The following HS3ST4 variants were observed in gnomAD, a reference collection of about 807,000 sequenced individuals.
The protein encoded by HS3ST4 is heparan sulfate-glucosamine 3-sulfotransferase 4, also known as heparan sulfate glucosamine 3-O-sulfotransferase 4.
Under a neutral mutation model 29.2 loss-of-function variants are expected in HS3ST4, and 17 were observed. That is an observed-to-expected ratio of 0.58 (90% CI 0.40 to 0.87). The LOEUF is 0.87. HS3ST4 is among the 40% of genes least tolerant of loss of function. The probability of loss-of-function intolerance (pLI) is 0.00; values close to 1 mark genes in which losing one functional copy is unlikely to be tolerated. For missense variants in HS3ST4, 627 were observed against 634.5 expected (o/e 0.99, Z 0.13); for synonymous variants, 314 against 285.7 (o/e 1.10, Z -1.00).
chr16:25,709,718 G>A (rs1168154539), intron 1 of HS3ST4, among the ~76,000 whole-genome samples: 2 of 151,886 alleles, frequency 1.3e-5, no homozygotes, highest in Admixed American at 6.6e-5. Flanking sequence ...AAGAGAGAGA[G>A]GGAGGCAATG....
intron 1 of HS3ST4, among the ~76,000 whole-genome samples, chr16:25,710,741 G>T (rs144069935): frequency 6.7e-6 from 1 of 149,276 alleles, no homozygotes; most frequent in African/African-American, 2.5e-5. Context: ...AAATTTAAAA[G>T]CAGATTGTAC....
At chr16:25,842,479 T>C (rs1392192629) in intron 1 of HS3ST4, among the ~76,000 whole-genome samples, 1 of 152,346 alleles carries the variant, frequency 6.6e-6, no homozygotes, top group Non-Finnish European at 1.5e-5. Flanking sequence ...GCCCACGGAC[T>C]GTGATGTTTT....
chr16:25,837,085 G>C (rs1165879775), intron 1 of HS3ST4, among the ~76,000 whole-genome samples: 1 of 152,238 alleles, frequency 6.6e-6, no homozygotes, highest in Admixed American at 6.5e-5. Context: ...GCAGTTCATG[G>C]ATGATTTCCA....
chr16:25,776,185 T>C (rs1431933346), intron 1 of HS3ST4, among the ~76,000 whole-genome samples: 4 of 152,122 alleles, frequency 2.6e-5, no homozygotes, highest in Non-Finnish European at 5.9e-5. Flanking sequence ...TGACACAATC[T>C]CAGTCCTCAA....
chr16:26,118,563 G>C (rs1899229670), intron 1 of HS3ST4, among the ~76,000 whole-genome samples: 2 of 152,142 alleles, frequency 1.3e-5, no homozygotes, highest in Non-Finnish European at 1.5e-5. Flanking sequence ...TAGTGTAACT[G>C]ATACATTGAA....
At chr16:25,914,840 G>A (rs957744686) in intron 1 of HS3ST4, among the ~76,000 whole-genome samples, 5 of 151,918 alleles carry the variant, frequency 3.3e-5, no homozygotes, top group African/African-American at 1.2e-4. Context: ...GCTCATGAAG[G>A]AAATCATCTA....
chr16:25,712,771 C>G (rs1215137640), intron 1 of HS3ST4, among the ~76,000 whole-genome samples: 2 of 152,024 alleles, frequency 1.3e-5, no homozygotes, highest in Admixed American at 1.3e-4. Context: ...GAAAAGAATC[C>G]CCAACAGAGT....
At chr16:26,021,111 A>T (rs117157198) in intron 1 of HS3ST4, among the ~76,000 whole-genome samples, 84 of 152,360 alleles carry the variant, frequency 5.5e-4, no homozygotes, top group Non-Finnish European at 9.3e-4. Flanking sequence ...GGTAATGATC[A>T]CTGCAAACAC....
At chr16:25,817,685 C>G (rs887889098) in intron 1 of HS3ST4, among the ~76,000 whole-genome samples, 1 of 152,092 alleles carries the variant, frequency 6.6e-6, no homozygotes, top group African/African-American at 2.4e-5. Flanking sequence ...TTATATTTTG[C>G]AATCTGTTCT....
At chr16:26,103,397 C>G (rs1899012188) in intron 1 of HS3ST4, among the ~76,000 whole-genome samples, 1 of 152,114 alleles carries the variant, frequency 6.6e-6, no homozygotes, top group Non-Finnish European at 1.5e-5. Flanking sequence ...TACAATTCTT[C>G]TCTAGGGAAG....
At chr16:26,003,974 C>G (rs990614599) in intron 1 of HS3ST4, among the ~76,000 whole-genome samples, 4 of 152,102 alleles carry the variant, frequency 2.6e-5, no homozygotes, top group Admixed American at 2.6e-4. Context: ...GCTCCTAATC[C>G]CAATTTCTCC....
intron 1 of HS3ST4, among the ~76,000 whole-genome samples, chr16:25,860,351 C>G (rs898469518): frequency 3.9e-5 from 6 of 152,186 alleles, no homozygotes; most frequent in African/African-American, 1.4e-4. Flanking sequence ...CCATCATGCT[C>G]CTTGGTATTT....
At chr16:26,029,015 T>C (rs112462537) in intron 1 of HS3ST4, 6,825 of 152,308 alleles carry the variant, frequency 0.045, 171 homozygotes, top group Middle Eastern at 0.15. Flanking sequence ...TGGGTTTTGG[T>C]GTCAGAAAAT....
At chr16:25,970,493 C>T (rs1176562993) in intron 1 of HS3ST4, among the ~76,000 whole-genome samples, 2 of 152,060 alleles carry the variant, frequency 1.3e-5, no homozygotes, top group Admixed American at 1.3e-4. Context: ...CAATCATTCA[C>T]TCATTCATCC....
chr16:26,066,130 G>A (rs1038219206), intron 1 of HS3ST4, among the ~76,000 whole-genome samples: 3 of 152,180 alleles, frequency 2.0e-5, no homozygotes, highest in Non-Finnish European at 4.4e-5. Context: ...TGCAAGGCAC[G>A]AGTAAGACCA....
intron 1 of HS3ST4, among the ~76,000 whole-genome samples, chr16:26,111,802 A>C (rs1899132328): frequency 6.6e-6 from 1 of 152,306 alleles, no homozygotes; most frequent in Middle Eastern, 3.4e-3. Context: ...ATGGATCACT[A>C]GGTCAAGAGA....
intron 1 of HS3ST4, among the ~76,000 whole-genome samples, chr16:25,817,459 T>C (rs981303155): frequency 1.3e-5 from 2 of 152,204 alleles, no homozygotes; most frequent in African/African-American, 4.8e-5. Flanking sequence ...ATAGATAATA[T>C]GTAAATGAAT....
chr16:25,987,869 C>T (rs542468918), intron 1 of HS3ST4, among the ~76,000 whole-genome samples: 34 of 152,180 alleles, frequency 2.2e-4, no homozygotes, highest in African/African-American at 7.5e-4. Flanking sequence ...CTCCTGGGTT[C>T]GGGAGATTCT....
intron 1 of HS3ST4, among the ~76,000 whole-genome samples, chr16:26,093,665 G>A (rs970303280): frequency 3.3e-5 from 5 of 152,202 alleles, no homozygotes; most frequent in Non-Finnish European, 5.9e-5. Context: ...AGAAACCACA[G>A]CAGAAAAGCT....
Sources: gnomAD v4.1 joint callset for allele counts (sites outside exome capture counted in the v4.1 genomes callset) on GRCh38, gnomAD v4.1.1 for gene constraint, MANE v1.5 for transcripts, NCBI Gene and HGNC (gene_info 2026-07-23, HGNC 2026-07-21) for gene names.